SLC15A5: variants seen among roughly 807,000 people sequenced by gnomAD.
SLC15A5 encodes the protein solute carrier family 15 member 5, also known as Peptide/histidine transporter ENSP00000340402.
SLC15A5 carries 58 observed loss-of-function variants against 56.1 expected under a neutral mutation model. The observed-to-expected ratio is 1.03, with a 90% confidence interval of 0.84 to 1.29. The LOEUF is 1.29. Ranked by LOEUF, SLC15A5 falls within the 50% of genes most tolerant of loss-of-function variation. The pLI is 0.00. For missense variants in SLC15A5, 681 were observed against 672.1 expected, an observed-to-expected ratio of 1.01 and a Z score of -0.15; for synonymous variants, 264 against 250.5, an observed-to-expected ratio of 1.05 and a Z score of -0.51.
intron 6 of SLC15A5, among the ~76,000 whole-genome samples, chr12:16,220,394 A>G (rs934918913): frequency 5.3e-5 from 8 of 151,964 alleles, no homozygotes; most frequent in African/African-American, 1.5e-4. Context: ...CATCCTTCCC[A>G]CCTTCCATCC....
intron 8 of SLC15A5, 21 bp from the exon 9 acceptor site, chr12:16,189,836 G>A (rs1863823433): frequency 6.9e-7 from 1 of 1,449,038 alleles, no homozygotes. Context: ...AAGAAAGAAA[G>A]CTTTTCTTAG....
At chr12:16,240,614 A>G (rs1236433429) in intron 4 of SLC15A5, among the ~76,000 whole-genome samples, 1 of 152,130 alleles carries the variant, frequency 6.6e-6, no homozygotes, top group Non-Finnish European at 1.5e-5. Flanking sequence ...ATGTATTGTT[A>G]GAATTTCTTC....
chr12:16,224,346 G>A, intron 6 of SLC15A5, 68 bp downstream of exon 6: 2 of 1,413,768 alleles, frequency 1.4e-6, no homozygotes. Context: ...AATTGTTCTG[G>A]TTGAGGTGAT....
At chr12:16,238,643 A>AAAT (rs1555172242) in intron 5 of SLC15A5, among the ~76,000 whole-genome samples, 3 of 151,670 alleles carry the variant, frequency 2.0e-5, no homozygotes, top group South Asian at 2.1e-4. Flanking sequence ...AAAAAAAAAA[A>AAAT]AAAATAAGAA....
At position 16,268,140 on chromosome 12, in the gene SLC15A5, G is replaced by T. The variant is rs939637332; in HGVS notation, c.584+4421C>A. On this transcript the variant is annotated intron_variant, in intron 2 of 8. Transcript: ENST00000344941. ...TGCCTGTAATCCTGGCACTTTGGAGGCCAACGTGGGCAGATTGCCTGAGCT... is the reference window on the plus strand; with the variant it reads ...TGCCTGTAATCCTGGCACTTTGGAGTCCAACGTGGGCAGATTGCCTGAGCT... Among the ~76,000 whole-genome samples the T allele has an allele frequency of 2.6e-5, 3 of 115,214 alleles. 1 individual carries two copies. Among genetic ancestry groups the T allele is most frequent in the Non-Finnish European group, 5.5e-5 (3 of 54,388 alleles). 75.6% of individuals were successfully genotyped at this position (115,214 alleles called of 152,430 possible). A position where few individuals can be genotyped will look rare whatever the true frequency, so the allele number is the denominator to read the frequency against.
At chr12:16,210,881 G>C (rs888954642) in intron 7 of SLC15A5, among the ~76,000 whole-genome samples, 1 of 152,198 alleles carries the variant, frequency 6.6e-6, no homozygotes, top group African/African-American at 2.4e-5. Flanking sequence ...GGAGTAAAAG[G>C]TTAATGATAT....
At chr12:16,250,636 T>A (rs1197589258) in intron 3 of SLC15A5, among the ~76,000 whole-genome samples, 1 of 151,712 alleles carries the variant, frequency 6.6e-6, no homozygotes, top group Non-Finnish European at 1.5e-5. Context: ...TTGAAAAACA[T>A]AGACTTTTTA....
intron 6 of SLC15A5, among the ~76,000 whole-genome samples, chr12:16,219,908 C>T (rs528980445): frequency 9.3e-4 from 141 of 152,158 alleles, no homozygotes; most frequent in Middle Eastern, 3.4e-3. Flanking sequence ...TGCCAATGAG[C>T]GCTAAAAATG....
intron 7 of SLC15A5, among the ~76,000 whole-genome samples, chr12:16,200,011 A>C (rs781093338): frequency 1.3e-5 from 2 of 151,972 alleles, no homozygotes; most frequent in African/African-American, 4.8e-5. Flanking sequence ...GACTTTAGCA[A>C]AAATATCCAC....
At chr12:16,218,526 A>G (rs1864153597) in intron 6 of SLC15A5, among the ~76,000 whole-genome samples, 1 of 152,136 alleles carries the variant, frequency 6.6e-6, no homozygotes, top group South Asian at 2.1e-4. Context: ...CCTACTACAC[A>G]CCTAGGCTAT....
intron 7 of SLC15A5, among the ~76,000 whole-genome samples, chr12:16,210,267 C>T (rs865913581): frequency 9.2e-5 from 14 of 152,284 alleles, no homozygotes; most frequent in Middle Eastern, 6.8e-3. Context: ...AACTCTACCT[C>T]GACTTATAAA....
At chr12:16,229,657 C>T (rs1236175955) in intron 5 of SLC15A5, among the ~76,000 whole-genome samples, 1 of 150,508 alleles carries the variant, frequency 6.6e-6, no homozygotes, top group Non-Finnish European at 1.5e-5. Flanking sequence ...TACACACACA[C>T]ACACACACAC....
intron 3 of SLC15A5, among the ~76,000 whole-genome samples, chr12:16,245,667 C>T (rs1224703656): frequency 6.6e-6 from 1 of 152,034 alleles, no homozygotes; most frequent in Admixed American, 6.6e-5. Context: ...CAGATAAATC[C>T]CCCCAGAAAT....
At chr12:16,274,800 T>C (rs1016098088) in intron 1 of SLC15A5, among the ~76,000 whole-genome samples, 3 of 152,130 alleles carry the variant, frequency 2.0e-5, no homozygotes, top group African/African-American at 4.8e-5. Flanking sequence ...TTGAATGATA[T>C]ATTTGTGTAA....
chr12:16,272,579 G>A lies in SLC15A5; in HGVS notation c.566C>T (p.Thr189Met), dbSNP rs559517803. The part of the protein sequence containing the change: ...FGLQEYGSQK[T>M]MSFFNWFYWL... ...TACTTACCAGTTAAAAAAAGACATC[G>A]TTTTTTGTGATCCATACTCCTGAAG... The change falls in exon 2 of 9, where the codon ACG becomes ATG. Residue 189 changes from threonine (T) to methionine (M), a missense_variant. Physicochemically the swap from Thr to Met is moderately conservative, Grantham distance 81. Transcript: ENST00000344941. The A allele has an allele frequency of 4.5e-5, 69 of 1,536,670 alleles. 1 individual carries two copies. The highest frequency in any genetic ancestry group is 2.9e-4 in the South Asian group (24 of 84,062).
Position 16,277,567 on chromosome 12 carries a change from A to AT in SLC15A5, c.118dup (p.Ile40AsnfsTer14), listed in dbSNP as rs1280725219. ...CAGAAGCAAGCAGATTCCAACCTGA[A>AT]TTTTTTTCACAGAGTGTGAGGAACA... On this transcript the variant is annotated frameshift_variant, in exon 1 of 9. Coordinates refer to ENST00000344941, the MANE Select transcript of SLC15A5 (RefSeq NM_001170798.1). LOFTEE classifies it high-confidence loss of function. The AT allele has an allele frequency of 4.6e-5, 71 of 1,536,384 alleles. No individual in the cohort carries two copies. Among genetic ancestry groups the AT allele is most frequent in the Non-Finnish European group, 5.4e-5 (62 of 1,146,446 alleles).
intron 7 of SLC15A5, among the ~76,000 whole-genome samples, chr12:16,200,484 G>A (rs1464313706): frequency 6.6e-6 from 1 of 151,970 alleles, no homozygotes; most frequent in African/African-American, 2.4e-5. Flanking sequence ...AATTGTCAAA[G>A]AAGAGATGTA....
rs1367756773 is a variant in SLC15A5, at chr12:16,256,065, TAA to T, written c.754+1634_754+1635del. ...TAGATTAAAATACATAAAAAATGCT[TAA>T]GAGCATAAATTCATAATCATAGTTT... On this transcript the variant is annotated intron_variant, in intron 3 of 8. Transcript: ENST00000344941. 5.3e-5 allele frequency among the ~76,000 whole-genome samples: 8 copies of T among 152,282 alleles called. No individual in the cohort carries two copies. The East Asian group carries it at 7.7e-4, about 15-fold the overall frequency.
chr12:16,194,226 T>G (rs1863872628), intron 8 of SLC15A5, 119 bp downstream of exon 8: 9 of 547,770 alleles, frequency 1.6e-5, no homozygotes, highest in Middle Eastern at 2.7e-4. Context: ...ATCTGTTGAA[T>G]TGCTCTAATA....
Sources: allele counts gnomAD v4.1 joint callset (sites outside exome capture counted in the v4.1 genomes callset), GRCh38; gene constraint gnomAD v4.1.1; transcripts MANE v1.5; gene names NCBI Gene and HGNC (gene_info 2026-07-23, HGNC 2026-07-21).